APBA2: variants seen among roughly 807,000 people sequenced by gnomAD.
The protein encoded by APBA2 is amyloid beta precursor protein binding family A member 2, also known as amyloid-beta A4 precursor protein-binding family A member 2.
Under a neutral mutation model 75.0 loss-of-function variants are expected in APBA2, and 30 were observed. The observed-to-expected ratio is 0.40, with a 90% confidence interval of 0.30 to 0.54. The LOEUF (loss-of-function observed/expected upper bound fraction) is 0.54. APBA2 is among the 20% of genes least tolerant of loss of function. The pLI is 0.49. For missense variants in APBA2, 801 were observed against 1,016.1 expected, an observed-to-expected ratio of 0.79 and a Z score of 2.88; for synonymous variants, 444 against 409.6, an observed-to-expected ratio of 1.08 and a Z score of -1.01.
At chr15:28,908,556 G>A (rs1215266352) in intron 1 of APBA2, among the ~76,000 whole-genome samples, 2 of 152,022 alleles carry the variant, frequency 1.3e-5, no homozygotes, top group South Asian at 2.1e-4. Flanking sequence ...TGATCCACCC[G>A]CCTCCGCCTG....
Position 28,979,427 on chromosome 15 carries a change from G to A in APBA2, c.-94-16326G>A, listed in dbSNP as rs189594757. ...CCTCCTAACGTCATTTGATTCATCC[G>A]GCAAAAGGCTCTGCTGCCTGCCTGT... On this transcript the variant is annotated intron_variant, in intron 2 of 14. Coordinates refer to ENST00000683413, the MANE Select transcript of APBA2 (RefSeq NM_001353788.2). Among the ~76,000 whole-genome samples, 345 of 152,304 alleles carry A rather than the reference G, an allele frequency of 2.3e-3. 2 individuals are homozygous for A. The highest frequency in any genetic ancestry group is 8.1e-3 in the African/African-American group (337 of 41,574).
chr15:28,968,081 A>AG (rs2036839594), intron 2 of APBA2, among the ~76,000 whole-genome samples: 1 of 152,236 alleles, frequency 6.6e-6, no homozygotes. Flanking sequence ...CCCTTAGCAT[A>AG]GTGTTCTCGC....
chr15:28,922,499 C>G (rs55817275), intron 2 of APBA2, among the ~76,000 whole-genome samples: 38,922 of 151,944 alleles, frequency 0.26, 8,927 homozygotes, highest in African/African-American at 0.62. Flanking sequence ...TACAGCCAGC[C>G]ATTGTCCCGC....
chr15:29,104,197 G>A (rs2044282673), intron 10 of APBA2, among the ~76,000 whole-genome samples: 1 of 152,248 alleles, frequency 6.6e-6, no homozygotes, highest in East Asian at 1.9e-4. Flanking sequence ...CCTGTTTTGG[G>A]ATCCTGTTGA....
chr15:29,095,330 G>A (rs1308533895), intron 8 of APBA2, among the ~76,000 whole-genome samples: 1 of 152,012 alleles, frequency 6.6e-6, no homozygotes, highest in African/African-American at 2.4e-5. Context: ...TCGGGAGGCT[G>A]AGGCAGGAGA....
At chr15:28,968,891 A>G (rs2152748248) in intron 2 of APBA2, among the ~76,000 whole-genome samples, 2 of 152,242 alleles carry the variant, frequency 1.3e-5, no homozygotes, top group Middle Eastern at 6.8e-3. Context: ...CTTGCCCTTC[A>G]TTCTTGAACG....
chr15:29,089,446 C>T (rs1002758090), intron 6 of APBA2, among the ~76,000 whole-genome samples: 1 of 152,200 alleles, frequency 6.6e-6, no homozygotes, highest in Non-Finnish European at 1.5e-5. Context: ...CCCCCACACT[C>T]CCACATACAC....
chr15:29,098,418 C>T, intron 8 of APBA2, 72 bp from the exon 9 acceptor site: 1 of 1,032,830 alleles, frequency 9.7e-7, no homozygotes, highest in Non-Finnish European at 1.5e-6. Context: ...AGCATTTTGT[C>T]ATAATGCTAT....
chr15:28,940,290 A>C (rs1244109872), intron 2 of APBA2, among the ~76,000 whole-genome samples: 1 of 144,090 alleles, frequency 6.9e-6, no homozygotes, highest in Non-Finnish European at 1.5e-5. Context: ...AGGCAGGTGG[A>C]TCATGAGGTC....
At chr15:29,047,614 T>G (rs2041398849) in intron 3 of APBA2, among the ~76,000 whole-genome samples, 1 of 152,236 alleles carries the variant, frequency 6.6e-6, no homozygotes, top group South Asian at 2.1e-4. Flanking sequence ...GAAAGCATTT[T>G]CATTGCAATG....
At chr15:29,087,897 TGTC>T (rs936100056) in intron 6 of APBA2, among the ~76,000 whole-genome samples, 62 of 152,286 alleles carry the variant, frequency 4.1e-4, no homozygotes, top group African/African-American at 1.4e-3. Flanking sequence ...CACGATCTGA[TGTC>T]GTTTGTCTCC....
At position 28,925,718 on chromosome 15, in the gene APBA2, G is replaced by A. The variant is rs369589928; in HGVS notation, c.-95+3969G>A. 3.3e-5 allele frequency among the ~76,000 whole-genome samples: 5 copies of A among 152,162 alleles called. No homozygotes were observed. The East Asian group carries it at 7.7e-4, about 23-fold the overall frequency. On this transcript the variant is annotated intron_variant, in intron 2 of 14. Transcript: ENST00000683413. Reference sequence around the variant, plus strand: ...ATTTATGATGCTATTCAAGTGAACTGTCCTTGTTGATTTTCTGTCTGCTTG... The same window carrying A: ...ATTTATGATGCTATTCAAGTGAACTATCCTTGTTGATTTTCTGTCTGCTTG...
intron 3 of APBA2, among the ~76,000 whole-genome samples, chr15:29,008,325 C>T (rs2039230313): frequency 1.3e-5 from 2 of 152,206 alleles, no homozygotes; most frequent in Admixed American, 6.5e-5. Context: ...GATGGTAGCA[C>T]AGCAGTGTGA....
chr15:29,021,136 A>G (rs1449400940), intron 3 of APBA2, among the ~76,000 whole-genome samples: 1 of 152,226 alleles, frequency 6.6e-6, no homozygotes, highest in Non-Finnish European at 1.5e-5. Flanking sequence ...TTAAGGTAAT[A>G]GGAGAATAGG....
rs1442009349 is a variant in APBA2 at position 29,046,146 on chromosome 15, C to G, written c.-40-7699C>G. On this transcript the variant is annotated intron_variant, in intron 3 of 14. Transcript: ENST00000683413. The surrounding 1 kb of genome is among the most constrained non-coding windows in gnomAD (Gnocchi z 5.0). ...ACATTGAGGTGTGTTAAATGGAATT[C>G]TTTATCATAAGGCTGCAAACTGCTT... 6.6e-6 allele frequency among the ~76,000 whole-genome samples: 1 copy of G among 152,162 alleles called. No individual in the cohort carries two copies. The highest frequency in any genetic ancestry group is 2.4e-5 in the African/African-American group (1 of 41,438).
chr15:28,986,279 C>T (rs957416468), intron 2 of APBA2, among the ~76,000 whole-genome samples: 2 of 152,072 alleles, frequency 1.3e-5, no homozygotes, highest in Admixed American at 1.3e-4. Context: ...AGTGCTGAGC[C>T]CATTCAGGTG....
intron 2 of APBA2, among the ~76,000 whole-genome samples, chr15:28,987,902 C>T (rs1273267368): frequency 6.6e-6 from 1 of 151,394 alleles, no homozygotes; most frequent in Non-Finnish European, 1.5e-5. Context: ...AATTTACAGG[C>T]ACACACCACC....
At chr15:29,107,522 C>A (rs752862265) in intron 12 of APBA2, among the ~76,000 whole-genome samples, 1 of 152,164 alleles carries the variant, frequency 6.6e-6, no homozygotes, top group African/African-American at 2.4e-5. Context: ...CCTCTTTGTT[C>A]GGCATGAGAG....
rs148263915 is a variant in APBA2, at chr15:29,106,642, C to T, written c.1740C>T (p.Gly580=). Residue 580 remains glycine (G), a synonymous_variant, in exon 12 of 15, where the codon GGC becomes GGT. Coordinates refer to ENST00000683413, the MANE Select transcript of APBA2 (RefSeq NM_001353788.2). ...AGAAGCACAAGGGCGAGATCCTGGG[C>T]GTGGTGGTGGTGGAGTCGGGCTGGG... ...QLEKHKGEIL[G]VVVVESGWGS... The T allele has an allele frequency of 4.7e-5, 76 of 1,613,136 alleles. 1 individual carries two copies. Among genetic ancestry groups the T allele is most frequent in the African/African-American group, 1.5e-4 (11 of 75,032 alleles).
Sources: allele counts gnomAD v4.1 joint callset (sites outside exome capture counted in the v4.1 genomes callset), GRCh38; gene constraint gnomAD v4.1.1; non-coding constraint Gnocchi (gnomAD v3.1); transcripts MANE v1.5; gene names NCBI Gene and HGNC (gene_info 2026-07-23, HGNC 2026-07-21).